Variants in CLDN10 observed in about 807,000 individuals in gnomAD.
The protein encoded by CLDN10 is claudin 10.
CLDN10 carries 15 observed loss-of-function variants against 22.9 expected under a neutral mutation model. That is an observed-to-expected ratio of 0.65 (90% confidence interval 0.44 to 1.01). CLDN10 has a LOEUF of 1.01. Ranked by LOEUF, CLDN10 falls within the 50% of genes least tolerant of loss-of-function variation. The probability of loss-of-function intolerance (pLI) is 0.00; values close to 1 mark genes in which losing one functional copy is unlikely to be tolerated. For missense variants in CLDN10, 247 were observed against 287.8 expected (o/e 0.86, Z 1.03); for synonymous variants, 114 against 111.4 (o/e 1.02, Z -0.15).
intron 1 of CLDN10, among the ~76,000 whole-genome samples, chr13:95,484,016 C>T (rs2042777745): frequency 6.6e-6 from 1 of 152,156 alleles, no homozygotes; most frequent in South Asian, 2.1e-4. Context: ...AAGACATTCT[C>T]TATCAGTTAG....
intron 1 of CLDN10, 126 bp from the exon 2 acceptor site, chr13:95,560,006 C>A: frequency 1.1e-6 from 1 of 901,478 alleles, no homozygotes; most frequent in Non-Finnish European, 1.7e-6. Context: ...CTTGTCTTGC[C>A]ACATGTTTTC....
At chr13:95,540,016 G>T (rs1271270104) in intron 1 of CLDN10, among the ~76,000 whole-genome samples, 1 of 148,934 alleles carries the variant, frequency 6.7e-6, no homozygotes, top group Admixed American at 6.7e-5. Flanking sequence ...TTAGCCTGAC[G>T]TGGCCAGGCG....
chr13:95,551,304 C>T (rs1055404505), upstream of CLDN10, among the ~76,000 whole-genome samples: 21 of 152,148 alleles, frequency 1.4e-4, no homozygotes, highest in African/African-American at 5.1e-4. Context: ...TGAAGAAAAA[C>T]AGAATAGATA....
intron 3 of CLDN10, among the ~76,000 whole-genome samples, chr13:95,561,397 G>A (rs988816829): frequency 2.6e-5 from 4 of 152,080 alleles, no homozygotes; most frequent in Non-Finnish European, 4.4e-5. Context: ...TGTACCTTAC[G>A]CATAAACAGT....
intron 1 of CLDN10, among the ~76,000 whole-genome samples, chr13:95,461,648 A>G (rs998969304): frequency 6.6e-6 from 1 of 152,196 alleles, no homozygotes; most frequent in Non-Finnish European, 1.5e-5. Context: ...ATTCCAGGAA[A>G]ACAACTTTGA....
At chr13:95,530,721 G>A (rs776428340) in intron 1 of CLDN10, among the ~76,000 whole-genome samples, 52 of 152,054 alleles carry the variant, frequency 3.4e-4, no homozygotes, top group Non-Finnish European at 6.6e-4. Flanking sequence ...TTATCCATAT[G>A]TTTTCCTAAA....
At chr13:95,538,615 C>T (rs1016461314) in intron 1 of CLDN10, among the ~76,000 whole-genome samples, 25 of 152,284 alleles carry the variant, frequency 1.6e-4, no homozygotes, top group Non-Finnish European at 2.2e-4. Flanking sequence ...GAAATCCTCA[C>T]GCTGCATCTT....
intron 1 of CLDN10, among the ~76,000 whole-genome samples, chr13:95,478,311 A>T (rs2042705530): frequency 6.6e-6 from 1 of 151,856 alleles, no homozygotes; most frequent in African/African-American, 2.4e-5. Flanking sequence ...CTGTCTCAAA[A>T]ATAAATAAGC....
intron 1 of CLDN10, among the ~76,000 whole-genome samples, chr13:95,468,918 T>C (rs2042604410): frequency 6.6e-6 from 1 of 152,176 alleles, no homozygotes; most frequent in African/African-American, 2.4e-5. Flanking sequence ...TTCTTTGATT[T>C]GATATTTATA....
intron 1 of CLDN10, among the ~76,000 whole-genome samples, chr13:95,439,390 G>C (rs915355721): frequency 6.6e-6 from 1 of 151,434 alleles, no homozygotes; most frequent in Non-Finnish European, 1.5e-5. Flanking sequence ...TATTGCCCAG[G>C]TTGGAGTGCA....
intron 1 of CLDN10, among the ~76,000 whole-genome samples, chr13:95,453,702 A>T (rs1336712108): frequency 6.6e-6 from 1 of 151,944 alleles, no homozygotes; most frequent in Non-Finnish European, 1.5e-5. Context: ...AAGAAAAAAA[A>T]AAAAGAGCAA....
At chr13:95,486,008 T>C (rs2042800010) in intron 1 of CLDN10, among the ~76,000 whole-genome samples, 1 of 152,102 alleles carries the variant, frequency 6.6e-6, no homozygotes. Context: ...GATCCCAGTT[T>C]CCCCCCAGGG....
At chr13:95,539,186 G>A (rs2043434719) in intron 1 of CLDN10, among the ~76,000 whole-genome samples, 1 of 152,154 alleles carries the variant, frequency 6.6e-6, no homozygotes, top group East Asian at 1.9e-4. Context: ...GCTGAACTTT[G>A]TTACATTTCT....
intron 1 of CLDN10, among the ~76,000 whole-genome samples, chr13:95,448,467 C>T (rs927150774): frequency 3.9e-5 from 6 of 152,178 alleles, no homozygotes; most frequent in African/African-American, 1.2e-4. Context: ...ATACATGTCA[C>T]ACGCATAGTC....
At chr13:95,573,122 T>C (rs1373087584) in intron 3 of CLDN10, among the ~76,000 whole-genome samples, 1 of 152,238 alleles carries the variant, frequency 6.6e-6, no homozygotes, top group Non-Finnish European at 1.5e-5. Context: ...TAGATCTTTA[T>C]GGTTTCTTCT....
intron 3 of CLDN10, among the ~76,000 whole-genome samples, chr13:95,564,791 G>T (rs1369359351): frequency 6.6e-6 from 1 of 152,174 alleles, no homozygotes. Context: ...GCATGGACTT[G>T]GAGTAAAGAT....
chr13:95,433,777 T>A, exon 1 of CLDN10: 5 of 1,580,994 alleles, frequency 3.2e-6, no homozygotes. Flanking sequence ...ATCGGCTGCA[T>A]GCCTAGACCA....
At chr13:95,518,198 T>C (rs2043189890) in intron 1 of CLDN10, among the ~76,000 whole-genome samples, 1 of 152,210 alleles carries the variant, frequency 6.6e-6, no homozygotes, top group Admixed American at 6.5e-5. Flanking sequence ...GTAAAGTGAT[T>C]AGAAGCATGC....
At position 95,517,052 on chromosome 13, in the gene CLDN10, C is replaced by G. The variant is rs147492134; in HGVS notation, c.215-43080C>G. On this transcript the variant is annotated intron_variant, in intron 1 of 4. Transcript: ENST00000376873. ...CTCCCTCTCTCCCTTTTTTCTTTCT[C>G]TCTCCCTTTTTCATTCTTTCTCTTT... Among the ~76,000 whole-genome samples the G allele has an allele frequency of 3.3e-5, 5 of 150,356 alleles. No homozygotes were observed. The East Asian group carries it at 9.8e-4, about 29-fold the overall frequency.
Sources: gnomAD v4.1 joint callset for allele counts (sites outside exome capture counted in the v4.1 genomes callset) on GRCh38, gnomAD v4.1.1 for gene constraint, MANE v1.5 for transcripts, NCBI Gene and HGNC (gene_info 2026-07-23, HGNC 2026-07-21) for gene names.